CEACAM19: variants seen among roughly 807,000 people sequenced by gnomAD.
CEACAM19 encodes CEA cell adhesion molecule 19.
CEACAM19 carries 37 observed loss-of-function variants against 37.6 expected under a neutral mutation model. The ratio of observed to expected loss-of-function variants is 0.98; its 90% CI spans 0.76 to 1.29. The LOEUF (loss-of-function observed/expected upper bound fraction) is 1.29. CEACAM19 is among the 50% of genes most tolerant of loss of function. The probability of loss-of-function intolerance (pLI) is 0.00; values close to 1 mark genes in which losing one functional copy is unlikely to be tolerated. For missense variants in CEACAM19, 340 were observed against 375.6 expected (o/e 0.91, Z 0.78); for synonymous variants, 140 against 149.8 (o/e 0.93, Z 0.48).
rs1299927189 is a variant in CEACAM19 at position 44,683,500 on chromosome 19, G to A, written c.*10G>A. ...GGTGCCAACTTCCTGATGGGTCCTGGGCCAGGCCAGCCAGGGAGAAGACAA... is the reference window on the plus strand; with the variant it reads ...GGTGCCAACTTCCTGATGGGTCCTGAGCCAGGCCAGCCAGGGAGAAGACAA... On this transcript the variant is annotated 3_prime_UTR_variant, in exon 8 of 8. Coordinates refer to ENST00000358777, the MANE Select transcript of CEACAM19 (RefSeq NM_001127893.3). 1 of 1,531,992 alleles carries A rather than the reference G, an allele frequency of 6.5e-7. No homozygotes were observed. The highest frequency in any genetic ancestry group is 2.5e-5 in the East Asian group (1 of 40,234). The allele number at this position is 1,531,992 out of a possible 1,614,324, so 94.9% of individuals were successfully genotyped here.
intron 4 of CEACAM19, among the ~76,000 whole-genome samples, chr19:44,680,062 G>T (rs970487721): frequency 2.0e-5 from 3 of 152,174 alleles, no homozygotes; most frequent in African/African-American, 7.2e-5. Context: ...GATGTCTGGG[G>T]AACACTATTC....
chr19:44,681,979 G>A (rs1974069774), intron 6 of CEACAM19, among the ~76,000 whole-genome samples: 1 of 151,840 alleles, frequency 6.6e-6, no homozygotes, highest in South Asian at 2.1e-4. Context: ...AACTTAGCTG[G>A]GCATGATGGC....
In CEACAM19 at chr19:44,671,514, C is replaced by T; in HGVS notation, c.-418C>T. On this transcript the variant is annotated 5_prime_UTR_variant, in exon 1 of 8. Transcript: ENST00000358777. ...TTTTCCTGGGCCTCTGTTTCCACAT[C>T]TGTGCAATGGGAACAGTTATTTATG... The T allele has an allele frequency of 2.5e-6, 1 of 399,518 alleles. No individual in the cohort carries two copies. Among genetic ancestry groups the T allele is most frequent in the Non-Finnish European group, 4.4e-6 (1 of 227,064 alleles). The allele number at this position is 399,518 out of a possible 1,614,324, so 24.7% of individuals were successfully genotyped here.
In CEACAM19 at chr19:44,671,762, C is replaced by T. The variant is rs1171021640; in HGVS notation, c.-170C>T. 6.9e-6 allele frequency: 4 copies of T among 582,458 alleles called. No individual in the cohort carries two copies. The highest frequency in any genetic ancestry group is 1.2e-5 in the Non-Finnish European group (4 of 325,834). 36.1% of individuals were successfully genotyped at this position (582,458 alleles called of 1,614,324 possible). ...CCATCCCAGGGAGTATAGGTGGAGCCTCCAGAGCCCATGGACAGGGCATGC... is the reference window on the plus strand; with the variant it reads ...CCATCCCAGGGAGTATAGGTGGAGCTTCCAGAGCCCATGGACAGGGCATGC... On this transcript the variant is annotated 5_prime_UTR_variant, in exon 1 of 8. Coordinates refer to ENST00000358777, the MANE Select transcript of CEACAM19 (RefSeq NM_001127893.3).
At chr19:44,674,123 G>A (rs1599787777) in intron 2 of CEACAM19, among the ~76,000 whole-genome samples, 2 of 152,040 alleles carry the variant, frequency 1.3e-5, no homozygotes, top group East Asian at 3.9e-4. Flanking sequence ...GTAGATGCCT[G>A]TAATGCCAGC....
Position 44,683,703 on chromosome 19 carries a change from G to A in CEACAM19, c.*213G>A, listed in dbSNP as rs1974107099. On this transcript the variant is annotated 3_prime_UTR_variant, in exon 8 of 8. Transcript: ENST00000358777. ...GTCCTTGTGCAGCCCGTGAATGCACGCCCGCCTTCGGTCTGTTCCTTCAAG... is the reference window on the plus strand; with the variant it reads ...GTCCTTGTGCAGCCCGTGAATGCACACCCGCCTTCGGTCTGTTCCTTCAAG... 3 of 406,800 alleles carry A rather than the reference G, an allele frequency of 7.4e-6. No homozygotes were observed. Among genetic ancestry groups the A allele is most frequent in the East Asian group, 3.6e-5 (1 of 28,074 alleles). The allele number at this position is 406,800 out of a possible 1,614,324, so 25.2% of individuals were successfully genotyped here. A position where few individuals can be genotyped will look rare whatever the true frequency, so the allele number is the denominator to read the frequency against.
At chr19:44,679,329 G>A (rs912738704) in intron 4 of CEACAM19, among the ~76,000 whole-genome samples, 1 of 152,302 alleles carries the variant, frequency 6.6e-6, no homozygotes, top group East Asian at 1.9e-4. Context: ...TTCAGGACGG[G>A]TGCAGTGGCT....
At chr19:44,668,224 ATATAT>A (rs1207512846), upstream of CEACAM19, among the ~76,000 whole-genome samples, 38 of 85,934 alleles carry the variant, frequency 4.4e-4, no homozygotes, top group African/African-American at 1.8e-3. Flanking sequence ...TATAATATTT[ATATAT>A]TATATTTATA....
chr19:44,680,419 C>A, intron 5 of CEACAM19, 85 bp downstream of exon 5: 1 of 1,281,680 alleles, frequency 7.8e-7, no homozygotes, highest in Admixed American at 1.8e-5. Context: ...CGCTTATTCT[C>A]CCTCACTCAG....
At chr19:44,678,992 A>C in intron 4 of CEACAM19, 56 bp downstream of exon 4, 2 of 1,600,510 alleles carry the variant, frequency 1.2e-6, no homozygotes, top group South Asian at 2.2e-5. Context: ...TAGCGGTGTC[A>C]AGAGTACTTT....
chr19:44,683,845 G>GCAGTT lies in CEACAM19; in HGVS notation c.*356_*360dup. On this transcript the variant is annotated 3_prime_UTR_variant, in exon 8 of 8. Coordinates refer to ENST00000358777, the MANE Select transcript of CEACAM19 (RefSeq NM_001127893.3). ...TGGTGGCCTCAGGCCTGCCTCCCAG[G>GCAGTT]CAGTTGGCTGGGCTCCCAACTGTCT... is the stretch of plus-strand genomic sequence containing the variant. 1 of 227,420 alleles carries GCAGTT rather than the reference G, an allele frequency of 4.4e-6. No individual in the cohort carries two copies. The allele number at this position is 227,420 out of a possible 1,614,324, so 14.1% of individuals were successfully genotyped here.
At chr19:44,674,784 C>G (rs1225336705) in intron 2 of CEACAM19, among the ~76,000 whole-genome samples, 16 of 152,190 alleles carry the variant, frequency 1.1e-4, no homozygotes, top group Admixed American at 1.0e-3. Context: ...AAAGTCAACT[C>G]AACATATGCA....
upstream of CEACAM19, among the ~76,000 whole-genome samples, chr19:44,669,984 G>C (rs1314266003): frequency 6.6e-6 from 1 of 152,118 alleles, no homozygotes; most frequent in Non-Finnish European, 1.5e-5. Context: ...ACACACAACT[G>C]GGCACTGGGA....
upstream of CEACAM19, among the ~76,000 whole-genome samples, chr19:44,668,442 T>C (rs1246570508): frequency 1.5e-5 from 1 of 65,786 alleles, no homozygotes; most frequent in Non-Finnish European, 2.6e-5. Flanking sequence ...TATATTATTA[T>C]ATATATTTTA....
At chr19:44,668,509 ATTAGT>A (rs1401029647), upstream of CEACAM19, among the ~76,000 whole-genome samples, 1 of 38,314 alleles carries the variant, frequency 2.6e-5, no homozygotes, top group African/African-American at 9.2e-5. Context: ...TATATTATAT[ATTAGT>A]TATAATATAA....
upstream of CEACAM19, among the ~76,000 whole-genome samples, chr19:44,668,283 AT>A (rs1973777970): frequency 1.4e-5 from 1 of 69,936 alleles, no homozygotes; most frequent in South Asian, 4.4e-4. Flanking sequence ...ATGTTTATAT[AT>A]TATTATATTT....
upstream of CEACAM19, among the ~76,000 whole-genome samples, chr19:44,669,363 A>G (rs980852475): frequency 2.6e-5 from 4 of 152,092 alleles, no homozygotes; most frequent in African/African-American, 7.2e-5. Flanking sequence ...GGCTCAAGCA[A>G]TCTTCCCACC....
chr19:44,667,669 AATATAT>A (rs1212612295), upstream of CEACAM19, among the ~76,000 whole-genome samples: 1 of 81,706 alleles, frequency 1.2e-5, no homozygotes, highest in Non-Finnish European at 2.2e-5. Flanking sequence ...TATAAATATA[AATATAT>A]ATTATATATA....
At chr19:44,667,624 A>ATT, upstream of CEACAM19, among the ~76,000 whole-genome samples, 1 of 85,000 alleles carries the variant, frequency 1.2e-5, no homozygotes, top group Non-Finnish European at 2.3e-5. Context: ...ATATATTTAT[A>ATT]AATATATAAA....
Sources: allele counts gnomAD v4.1 joint callset (sites outside exome capture counted in the v4.1 genomes callset), GRCh38; gene constraint gnomAD v4.1.1; transcripts MANE v1.5; gene names NCBI Gene and HGNC (gene_info 2026-07-23, HGNC 2026-07-21).